DOCK3: variants seen among roughly 807,000 people sequenced by gnomAD.
DOCK3 encodes dedicator of cytokinesis protein 3.
Under a neutral mutation model 265.6 loss-of-function variants are expected in DOCK3, and 60 were observed. That is an observed-to-expected ratio of 0.23 (90% CI 0.18 to 0.28). DOCK3 has a LOEUF of 0.28. DOCK3 is among the 10% of genes least tolerant of loss of function. The pLI is 1.00. For synonymous variants in DOCK3, 881 were observed against 938.0 expected (o/e 0.94, Z 1.11); for missense variants, 1,981 against 2,594.3 (o/e 0.76, Z 5.14).
At chr3:50,875,049 G>A (rs376730343) in intron 3 of DOCK3, among the ~76,000 whole-genome samples, 1 of 152,058 alleles carries the variant, frequency 6.6e-6, no homozygotes, top group South Asian at 2.1e-4. Context: ...GTCACACACC[G>A]GAGTTGTGGG....
chr3:51,302,280 G>A (rs1030550824), intron 27 of DOCK3, among the ~76,000 whole-genome samples: 1 of 152,004 alleles, frequency 6.6e-6, no homozygotes, highest in Non-Finnish European at 1.5e-5. Flanking sequence ...CATTTGCTCG[G>A]TAAATTTTTC....
intron 3 of DOCK3, among the ~76,000 whole-genome samples, chr3:50,868,335 G>A (rs1281605860): frequency 6.6e-6 from 1 of 152,114 alleles, no homozygotes; most frequent in East Asian, 1.9e-4. Context: ...GCCTTCCAAA[G>A]TGCTGGGATT....
intron 5 of DOCK3, among the ~76,000 whole-genome samples, chr3:51,020,816 C>T (rs2079552975): frequency 6.6e-6 from 1 of 151,786 alleles, no homozygotes; most frequent in Non-Finnish European, 1.5e-5. Flanking sequence ...CTTTTCTGTT[C>T]CATGGGTCTA....
At chr3:50,808,363 A>G (rs2043552234) in intron 2 of DOCK3, among the ~76,000 whole-genome samples, 1 of 152,222 alleles carries the variant, frequency 6.6e-6, no homozygotes, top group African/African-American at 2.4e-5. Flanking sequence ...ACAGCTGATT[A>G]TGACATTCAT....
chr3:51,261,680 C>T (rs1334220578), intron 23 of DOCK3, among the ~76,000 whole-genome samples: 2 of 152,170 alleles, frequency 1.3e-5, no homozygotes, highest in African/African-American at 4.8e-5. Context: ...TTCTCACTGC[C>T]AGCACAGCAG....
intron 1 of DOCK3, among the ~76,000 whole-genome samples, chr3:50,761,104 C>T (rs1057437074): frequency 1.3e-5 from 2 of 151,758 alleles, no homozygotes; most frequent in South Asian, 2.1e-4. Context: ...AAAAAAAATA[C>T]ACATAAGATC....
At chr3:51,067,870 G>C (rs1216883647) in intron 6 of DOCK3, among the ~76,000 whole-genome samples, 2 of 152,118 alleles carry the variant, frequency 1.3e-5, no homozygotes, top group African/African-American at 2.4e-5. Flanking sequence ...CATACCATTA[G>C]ATTATGTAAA....
At position 51,315,520 on chromosome 3, in the gene DOCK3, A is replaced by G. The variant is rs576570754; in HGVS notation, c.3402+392A>G. ...CAGATGACTTCTCATGGCTCAGGGTAGCCCAGCATTTTATAGACTACTGCA... is the reference window on the plus strand; with the variant it reads ...CAGATGACTTCTCATGGCTCAGGGTGGCCCAGCATTTTATAGACTACTGCA... On this transcript the variant is annotated intron_variant, in intron 32 of 52. Transcript: ENST00000266037. Among the ~76,000 whole-genome samples, 3 of 152,264 alleles carry G rather than the reference A, an allele frequency of 2.0e-5. No homozygotes were observed. In the South Asian group the frequency reaches 6.2e-4, roughly 32 times the overall value.
At chr3:50,788,594 G>C (rs532475758) in intron 2 of DOCK3, among the ~76,000 whole-genome samples, 11 of 152,364 alleles carry the variant, frequency 7.2e-5, no homozygotes, top group Admixed American at 7.2e-4. Flanking sequence ...TCCCTGCAGT[G>C]GGGGGACTGT....
chr3:50,956,954 C>T (rs2076746886), intron 5 of DOCK3, among the ~76,000 whole-genome samples: 1 of 152,184 alleles, frequency 6.6e-6, no homozygotes, highest in Admixed American at 6.5e-5. Flanking sequence ...CCTCCACCTC[C>T]TGGGTTCAAG....
intron 9 of DOCK3, among the ~76,000 whole-genome samples, chr3:51,095,281 T>C (rs2082798151): frequency 6.6e-6 from 1 of 152,212 alleles, no homozygotes; most frequent in East Asian, 1.9e-4. Flanking sequence ...TTGGTATGTT[T>C]TTGCAGTGGC....
At chr3:50,990,859 A>G (rs1303534462) in intron 5 of DOCK3, among the ~76,000 whole-genome samples, 1 of 152,114 alleles carries the variant, frequency 6.6e-6, no homozygotes, top group Non-Finnish European at 1.5e-5. Context: ...TGCCCACCCC[A>G]ATTGAGGATG....
chr3:50,753,652 C>T (rs181387201), intron 1 of DOCK3, among the ~76,000 whole-genome samples: 21 of 152,156 alleles, frequency 1.4e-4, no homozygotes, highest in Admixed American at 2.6e-4. Context: ...CGTGAGGCAC[C>T]GTGTCTCACC....
At position 51,214,175 on chromosome 3, in the gene DOCK3, G is replaced by A. The variant is rs774760851; in HGVS notation, c.1180G>A (p.Glu394Lys). Residue 394 changes from glutamate (E) to lysine (K), a missense_variant, in exon 14 of 53, where the codon GAA becomes AAA. Glu to Lys is a moderately conservative substitution (Grantham distance 56). Around this residue, in one of 4 missense-constraint regions of DOCK3, gnomAD observed 456 missense variants for 539.0 expected, o/e 0.85. Transcript: ENST00000266037. ...TGGAGACATGGAACAGATTCGGAGA[G>A]AAAATCCCATGATATTTAATAGGGG... is the stretch of plus-strand genomic sequence containing the variant. The part of the protein sequence containing the change: ...LRGDMEQIRR[E>K]NPMIFNRGLA... The A allele has an allele frequency of 6.2e-7, 1 of 1,613,856 alleles. No individual in the cohort carries two copies. The highest frequency in any genetic ancestry group is 1.3e-5 in the African/African-American group (1 of 75,048).
chr3:51,045,194 C>T (rs1477350088), intron 5 of DOCK3, among the ~76,000 whole-genome samples: 1 of 152,090 alleles, frequency 6.6e-6, no homozygotes, highest in African/African-American at 2.4e-5. Flanking sequence ...TTGTTTTCCC[C>T]TTCAACACTT....
intron 27 of DOCK3, among the ~76,000 whole-genome samples, chr3:51,292,247 C>T (rs1413707716): frequency 1.3e-5 from 2 of 152,140 alleles, no homozygotes; most frequent in African/African-American, 4.8e-5. Flanking sequence ...GTAATAAATA[C>T]TTCTGTCCTA....
chr3:51,335,959 T>C (rs577215552), intron 35 of DOCK3, among the ~76,000 whole-genome samples: 34 of 139,410 alleles, frequency 2.4e-4, no homozygotes, highest in Middle Eastern at 4.1e-3. Flanking sequence ...GCCACTGAAC[T>C]CCAGCTTGGG....
At position 51,333,013 on chromosome 3, in the gene DOCK3, T is replaced by C. The variant is rs769705701; in HGVS notation, c.3501T>C (p.Phe1167=). The C allele has an allele frequency of 6.2e-7, 1 of 1,614,004 alleles. No homozygotes were observed. The change falls in exon 34 of 53, where the codon TTT becomes TTC. Residue 1167 remains phenylalanine (F), a synonymous_variant. Coordinates refer to ENST00000266037, the MANE Select transcript of DOCK3 (RefSeq NM_004947.5). ...RELFSLLTQL[F]GPYPSLLEKV... ...CTGCATGGAGTAGAACCCAGCTGTT[T>C]GGGCCCTACCCCAGGTAAGACTGCA...
chr3:51,314,005 G>A (rs188946804), intron 31 of DOCK3, among the ~76,000 whole-genome samples: 2 of 152,210 alleles, frequency 1.3e-5, no homozygotes, highest in African/African-American at 4.8e-5. Context: ...AGCCTTTTCT[G>A]CCTCATTTCT....
Sources: gnomAD v4.1 joint callset for allele counts (sites outside exome capture counted in the v4.1 genomes callset) on GRCh38, gnomAD v4.1.1 for gene constraint, gnomAD v4.1.1 regional missense constraint, MANE v1.5 for transcripts, NCBI Gene and HGNC (gene_info 2026-07-23, HGNC 2026-07-21) for gene names.